The following GRID1 variants were observed in gnomAD, a reference collection of about 807,000 sequenced individuals.
The protein encoded by GRID1 is glutamate ionotropic receptor delta type subunit 1.
In GRID1, 28 loss-of-function variants were observed where a neutral mutation model predicts 98.0. That is an observed-to-expected ratio of 0.29 (90% CI 0.21 to 0.39). The LOEUF is 0.39. Among genes scored for constraint, GRID1 ranks in the 10% least tolerant of loss-of-function variants. The probability of loss-of-function intolerance (pLI) is 1.00; values close to 1 mark genes in which losing one functional copy is unlikely to be tolerated. For missense variants in GRID1, 1,111 were observed against 1,340.5 expected (o/e 0.83, Z 2.67); for synonymous variants, 553 against 538.5 (o/e 1.03, Z -0.37).
intron 12 of GRID1, among the ~76,000 whole-genome samples, chr10:85,651,600 A>G (rs1178454325): frequency 2.0e-5 from 3 of 152,202 alleles, no homozygotes; most frequent in South Asian, 2.1e-4. Flanking sequence ...TAGAGACACC[A>G]AAACTCCTCT....
intron 8 of GRID1, among the ~76,000 whole-genome samples, chr10:85,786,023 A>G (rs1325590034): frequency 6.6e-6 from 1 of 152,050 alleles, no homozygotes. Flanking sequence ...ATACACATAC[A>G]CATGCACATA....
At chr10:86,168,339 C>A (rs139196369) in intron 3 of GRID1, among the ~76,000 whole-genome samples, 5 of 152,332 alleles carry the variant, frequency 3.3e-5, no homozygotes, top group African/African-American at 4.8e-5. Flanking sequence ...GCCGAGGAGA[C>A]AATGCAGGCA....
At chr10:85,653,518 C>A (rs1840854859) in intron 12 of GRID1, among the ~76,000 whole-genome samples, 1 of 152,186 alleles carries the variant, frequency 6.6e-6, no homozygotes. Context: ...CAACATTTAC[C>A]TGGGGACCTT....
intron 1 of GRID1, among the ~76,000 whole-genome samples, chr10:86,364,799 A>G (rs915137483): frequency 6.6e-6 from 1 of 152,242 alleles, no homozygotes; most frequent in African/African-American, 2.4e-5. Flanking sequence ...CTCCACGTTC[A>G]GATCTAGCGG....
intron 2 of GRID1, among the ~76,000 whole-genome samples, chr10:86,319,747 C>T (rs748686579): frequency 2.6e-5 from 4 of 152,186 alleles, no homozygotes; most frequent in Non-Finnish European, 4.4e-5. Flanking sequence ...GGACAGGGAG[C>T]GTGGTGAAAG....
At chr10:86,059,127 G>A (rs1325243302) in intron 4 of GRID1, among the ~76,000 whole-genome samples, 9 of 152,270 alleles carry the variant, frequency 5.9e-5, no homozygotes, top group Non-Finnish European at 1.0e-4. Flanking sequence ...ATGACAAAGC[G>A]GACCCATGGA....
At chr10:85,790,649 G>T (rs1353247022) in intron 8 of GRID1, among the ~76,000 whole-genome samples, 6 of 152,128 alleles carry the variant, frequency 3.9e-5, no homozygotes, top group Non-Finnish European at 7.4e-5. Flanking sequence ...GGAGCCTCCT[G>T]GCAGGGAGCA....
At chr10:86,326,475 C>A (rs1157165288) in intron 2 of GRID1, among the ~76,000 whole-genome samples, 1 of 152,214 alleles carries the variant, frequency 6.6e-6, no homozygotes, top group Non-Finnish European at 1.5e-5. Flanking sequence ...GTAAAACGGT[C>A]TGAACCACAT....
At chr10:85,818,682 C>T (rs1842736478) in intron 8 of GRID1, among the ~76,000 whole-genome samples, 1 of 151,912 alleles carries the variant, frequency 6.6e-6, no homozygotes, top group Non-Finnish European at 1.5e-5. Context: ...GGCTACTTGA[C>T]ACAGTTCCCA....
At chr10:85,709,898 A>G (rs184322647) in intron 12 of GRID1, among the ~76,000 whole-genome samples, 4 of 152,302 alleles carry the variant, frequency 2.6e-5, no homozygotes, top group Admixed American at 6.5e-5. Flanking sequence ...TGTAACCCAA[A>G]TGTCAAATAC....
At chr10:86,164,630 A>C (rs1845371694) in intron 3 of GRID1, among the ~76,000 whole-genome samples, 2 of 152,246 alleles carry the variant, frequency 1.3e-5, no homozygotes, top group Non-Finnish European at 2.9e-5. Flanking sequence ...TCAGGGGGTC[A>C]GGGAGAGTTT....
At chr10:86,364,277 C>T (rs1374074411) in intron 1 of GRID1, among the ~76,000 whole-genome samples, 181 bp from the exon 2 acceptor site, 1 of 152,154 alleles carries the variant, frequency 6.6e-6, no homozygotes, top group Non-Finnish European at 1.5e-5. Flanking sequence ...GGAATATGTT[C>T]CCCTCCCCCC....
intron 2 of GRID1, among the ~76,000 whole-genome samples, chr10:86,227,689 C>T (rs1846375745): frequency 6.6e-6 from 1 of 152,110 alleles, no homozygotes; most frequent in African/African-American, 2.4e-5. Context: ...GGAGGATGCT[C>T]GGCCCAGCTC....
intron 8 of GRID1, among the ~76,000 whole-genome samples, chr10:85,731,833 AAGGG>A (rs767286602): frequency 0.13 from 9,050 of 68,304 alleles, 390 homozygotes; most frequent in African/African-American, 0.19. Context: ...GGAAGGAAGG[AAGGG>A]AGGGAGGGAG....
At chr10:85,821,535 A>AAAC (rs1554833464) in intron 8 of GRID1, among the ~76,000 whole-genome samples, 1 of 89,676 alleles carries the variant, frequency 1.1e-5, no homozygotes, top group African/African-American at 4.5e-5. Flanking sequence ...AAAAAAAAAA[A>AAAC]AAAAAAAAAA....
intron 4 of GRID1, among the ~76,000 whole-genome samples, chr10:86,122,863 G>T (rs1844696413): frequency 1.3e-5 from 2 of 152,188 alleles, no homozygotes; most frequent in Non-Finnish European, 2.9e-5. Flanking sequence ...GTGGAGACAA[G>T]GGGGGAGCCC....
chr10:85,722,311 A>G (rs1422644115), intron 12 of GRID1, among the ~76,000 whole-genome samples: 9 of 152,332 alleles, frequency 5.9e-5, no homozygotes, highest in Admixed American at 5.9e-4. Flanking sequence ...ATTGTACCCA[A>G]TGAAGTGTAC....
At chr10:86,011,866 GATGT>G (rs1385087774) in intron 4 of GRID1, among the ~76,000 whole-genome samples, 1 of 152,176 alleles carries the variant, frequency 6.6e-6, no homozygotes, top group Non-Finnish European at 1.5e-5. Flanking sequence ...TATTAAAGTT[GATGT>G]ATGTCGGCCG....
At chr10:86,228,069 C>T (rs539868072) in intron 2 of GRID1, among the ~76,000 whole-genome samples, 29 of 149,732 alleles carry the variant, frequency 1.9e-4, no homozygotes, top group Non-Finnish European at 3.6e-4. Context: ...GATGGGGGAC[C>T]GGGTTGGGGT....
Sources: gnomAD v4.1 joint callset for allele counts (sites outside exome capture counted in the v4.1 genomes callset) on GRCh38, gnomAD v4.1.1 for gene constraint, MANE v1.5 for transcripts, NCBI Gene and HGNC (gene_info 2026-07-23, HGNC 2026-07-21) for gene names.